The following TMTC2 variants were observed in gnomAD, a reference collection of about 807,000 sequenced individuals.
TMTC2 encodes the protein protein O-mannosyl-transferase TMTC2.
TMTC2 carries 43 observed loss-of-function variants against 82.4 expected under a neutral mutation model. That is an observed-to-expected ratio of 0.52 (90% confidence interval 0.41 to 0.67). TMTC2 has a LOEUF of 0.67. Among genes scored for constraint, TMTC2 ranks in the 30% least tolerant of loss-of-function variants. The probability of loss-of-function intolerance (pLI) is 0.00; values close to 1 mark genes in which losing one functional copy is unlikely to be tolerated. For missense variants in TMTC2, 919 were observed against 1,012.4 expected, an observed-to-expected ratio of 0.91 and a Z score of 1.25; for synonymous variants, 408 against 381.9, an observed-to-expected ratio of 1.07 and a Z score of -0.80.
At chr12:82,896,781 T>A in intron 3 of TMTC2, 135 bp downstream of exon 3, 1 of 648,806 alleles carries the variant, frequency 1.5e-6, no homozygotes, top group Non-Finnish European at 2.5e-6. Flanking sequence ...TCATTCTTTT[T>A]ATTTTTTTAA....
intron 8 of TMTC2, among the ~76,000 whole-genome samples, chr12:82,997,221 C>CTCTCTCTCTCTCTCTCTCTATATATATA (rs1451262969): frequency 8.4e-6 from 1 of 118,512 alleles, no homozygotes; most frequent in African/African-American, 3.7e-5. Flanking sequence ...CTCTCTCTCT[C>CTCTCTCTCTCTCTCTCTCTATATATATA]TATATATATA....
intron 11 of TMTC2, among the ~76,000 whole-genome samples, chr12:83,089,982 G>A (rs926502135): frequency 4.6e-5 from 7 of 152,226 alleles, no homozygotes; most frequent in East Asian, 1.9e-4. Context: ...AACTTGAGTC[G>A]TTACAGCAGA....
intron 4 of TMTC2, among the ~76,000 whole-genome samples, chr12:82,961,224 ATTATTATTG>A (rs2137295742): frequency 9.8e-6 from 1 of 101,524 alleles, no homozygotes; most frequent in East Asian, 3.3e-4. Context: ...TATTATTATT[ATTATTATTG>A]TAACTATTGT....
intron 8 of TMTC2, among the ~76,000 whole-genome samples, chr12:83,004,599 A>G (rs1055281082): frequency 1.3e-5 from 2 of 151,778 alleles, no homozygotes; most frequent in Non-Finnish European, 2.9e-5. Flanking sequence ...TTTGACTGTG[A>G]GATATGTATC....
At chr12:82,895,701 A>T in intron 2 of TMTC2, 117 bp from the exon 3 acceptor site, 2 of 890,544 alleles carry the variant, frequency 2.2e-6, no homozygotes, top group South Asian at 4.4e-5. Context: ...TGTTTTGGAG[A>T]CATCATGCTG....
intron 8 of TMTC2, among the ~76,000 whole-genome samples, chr12:82,987,785 C>T (rs1356637721): frequency 1.3e-5 from 2 of 151,982 alleles, no homozygotes; most frequent in African/African-American, 2.4e-5. Context: ...AAATTCTTAC[C>T]TGCCTTGAAA....
In TMTC2 at chr12:83,090,388, G is replaced by A. The variant is rs945293915; in HGVS notation, c.2331+28557G>A. 3.9e-5 allele frequency among the ~76,000 whole-genome samples: 6 copies of A among 152,158 alleles called. No individual in the cohort carries two copies. The East Asian group carries it at 5.8e-4, about 15-fold the overall frequency. ...CCTTTAGAGAGAAAACTCATTTGCT[G>A]TAATTTAATATTGAAGGTTCTGTTT... On this transcript the variant is annotated intron_variant, in intron 11 of 11. Transcript: ENST00000321196.
intron 11 of TMTC2, among the ~76,000 whole-genome samples, chr12:83,103,282 A>G (rs1040151518): frequency 6.6e-6 from 1 of 152,168 alleles, no homozygotes; most frequent in African/African-American, 2.4e-5. Context: ...TCAAGACCCA[A>G]TGTAGGAATT....
chr12:82,849,395 G>A (rs1870853752), intron 1 of TMTC2, among the ~76,000 whole-genome samples: 1 of 152,116 alleles, frequency 6.6e-6, no homozygotes, highest in African/African-American at 2.4e-5. Context: ...AGGCCTGAAT[G>A]AGGGTAAGAG....
At chr12:83,054,584 T>A (rs911754834) in intron 10 of TMTC2, among the ~76,000 whole-genome samples, 2 of 150,962 alleles carry the variant, frequency 1.3e-5, no homozygotes, top group Non-Finnish European at 3.0e-5. Flanking sequence ...TAATTATATA[T>A]GTGTATATAA....
intron 1 of TMTC2, among the ~76,000 whole-genome samples, chr12:82,715,274 CA>C (rs758933283): frequency 3.1e-4 from 32 of 103,700 alleles, no homozygotes; most frequent in South Asian, 3.1e-4. Context: ...GACTCCATTT[CA>C]AAAAAAAAAA....
At chr12:82,912,731 A>C (rs1874750200) in intron 3 of TMTC2, among the ~76,000 whole-genome samples, 1 of 152,012 alleles carries the variant, frequency 6.6e-6, no homozygotes, top group South Asian at 2.1e-4. Flanking sequence ...TGAGCCCAGG[A>C]GTTTGAGACC....
At chr12:82,734,982 A>G (rs1398660470) in intron 1 of TMTC2, among the ~76,000 whole-genome samples, 1 of 152,220 alleles carries the variant, frequency 6.6e-6, no homozygotes, top group East Asian at 1.9e-4. Flanking sequence ...AAGAGAGCCC[A>G]CGTGGTATAT....
chr12:83,111,249 T>C (rs957105360), intron 11 of TMTC2, among the ~76,000 whole-genome samples: 4 of 152,244 alleles, frequency 2.6e-5, no homozygotes, highest in Non-Finnish European at 5.9e-5. Context: ...AAGACCTTTC[T>C]AGATCTTCCC....
At chr12:82,871,364 A>AT (rs113920774) in intron 2 of TMTC2, among the ~76,000 whole-genome samples, 12,328 of 145,168 alleles carry the variant, frequency 0.085, 1,462 homozygotes, top group African/African-American at 0.26. Context: ...AGAAACAATG[A>AT]TTTTTTTTTT....
At chr12:82,687,834 G>A (rs540417681) in intron 1 of TMTC2, among the ~76,000 whole-genome samples, 165 bp downstream of exon 1, 19 of 151,996 alleles carry the variant, frequency 1.3e-4, no homozygotes, top group African/African-American at 4.3e-4. Context: ...CACCGGGGAC[G>A]TGAGGCGCGC....
chr12:83,115,653 T>G, intron 11 of TMTC2, among the ~76,000 whole-genome samples: 1 of 152,072 alleles, frequency 6.6e-6, no homozygotes, highest in East Asian at 1.9e-4. Flanking sequence ...TATTATTTTT[T>G]TTTTTATTTC....
intron 4 of TMTC2, among the ~76,000 whole-genome samples, chr12:82,946,151 C>T (rs367557371): frequency 6.6e-6 from 1 of 151,642 alleles, no homozygotes; most frequent in East Asian, 1.9e-4. Flanking sequence ...CATGTATTAC[C>T]TTCTAGTGAA....
chr12:82,983,496 A>G (rs1170928019), intron 7 of TMTC2, among the ~76,000 whole-genome samples: 1 of 152,042 alleles, frequency 6.6e-6, no homozygotes, highest in African/African-American at 2.4e-5. Context: ...TTGGAAAAAA[A>G]AGCAAGTATA....
Sources: allele counts gnomAD v4.1 joint callset (sites outside exome capture counted in the v4.1 genomes callset), GRCh38; gene constraint gnomAD v4.1.1; transcripts MANE v1.5; gene names NCBI Gene and HGNC (gene_info 2026-07-23, HGNC 2026-07-21).